Variants in KCTD21 observed in about 807,000 individuals in gnomAD.
KCTD21 encodes the protein BTB/POZ domain-containing protein KCTD21.
KCTD21 carries 9 observed loss-of-function variants against 13.2 expected under a neutral mutation model. That is an observed-to-expected ratio of 0.68 (90% CI 0.41 to 1.19). The LOEUF (loss-of-function observed/expected upper bound fraction) is 1.19, where lower values mean the gene tolerates loss of function less well. Ranked by LOEUF, KCTD21 falls within the 50% of genes most tolerant of loss-of-function variation. The probability of loss-of-function intolerance (pLI) is 0.01; values close to 1 mark genes in which losing one functional copy is unlikely to be tolerated. For synonymous variants in KCTD21, 142 were observed against 137.4 expected, an observed-to-expected ratio of 1.03 and a Z score of -0.23; for missense variants, 303 against 336.5, an observed-to-expected ratio of 0.90 and a Z score of 0.78.
At chr11:78,186,505 G>A (rs947449558) in intron 1 of KCTD21, among the ~76,000 whole-genome samples, 2 of 151,116 alleles carry the variant, frequency 1.3e-5, no homozygotes, top group African/African-American at 4.9e-5. Flanking sequence ...CCACTTACTA[G>A]CTGTGCAGCC....
At chr11:78,176,742 C>A (rs574214200) in intron 1 of KCTD21, 120 of 152,388 alleles carry the variant, frequency 7.9e-4, no homozygotes, top group Non-Finnish European at 1.6e-3. Context: ...GCCTGTAATT[C>A]CAGCACTTTG....
At chr11:78,188,054 C>CT in intron 1 of KCTD21, 2 of 985,420 alleles carry the variant, frequency 2.0e-6, no homozygotes, top group Non-Finnish European at 2.4e-6. Context: ...GGGAGGTGTT[C>CT]TATGCATCAC....
chr11:78,188,116 G>C lies in KCTD21; in HGVS notation c.-30+457C>G, dbSNP rs562956135. 9 of 985,342 alleles carry C rather than the reference G, an allele frequency of 9.1e-6. No homozygotes were observed. In the African/African-American group the frequency reaches 1.0e-4, roughly 11 times the overall value. 61.0% of individuals were successfully genotyped at this position (985,342 alleles called of 1,614,324 possible). On this transcript the variant is annotated intron_variant, in intron 1 of 1. Transcript: ENST00000340067. ...CGGCCGGCCCAGGGCTCTCCAGAGCGGGGCAAGTTCCCTGTCATCTGTGTC... is the reference window on the plus strand; with the variant it reads ...CGGCCGGCCCAGGGCTCTCCAGAGCCGGGCAAGTTCCCTGTCATCTGTGTC...
chr11:78,188,148 C>T, intron 1 of KCTD21: 1 of 985,378 alleles, frequency 1.0e-6, no homozygotes, highest in Non-Finnish European at 1.2e-6. Context: ...TGTCTCCGCC[C>T]TTCCTTCCCC....
rs1378304530 is a variant in KCTD21, at chr11:78,171,906, G to C, written c.*1866C>G. 6.6e-6 allele frequency: 1 copy of C among 152,374 alleles called. No individual in the cohort carries two copies. The highest frequency in any genetic ancestry group is 2.4e-5 in the African/African-American group (1 of 41,464). The allele number at this position is 152,374 out of a possible 1,614,324, so 9.4% of individuals were successfully genotyped here. ...CAGGCATGAGCCACTGTGCCTGGCA[G>C]AAAAGCTGTCAGAGAGACTCCTGGG... is the stretch of plus-strand genomic sequence containing the variant. On this transcript the variant is annotated 3_prime_UTR_variant, in exon 2 of 2. Coordinates refer to ENST00000340067, the MANE Select transcript of KCTD21 (RefSeq NM_001029859.3).
intron 1 of KCTD21, among the ~76,000 whole-genome samples, chr11:78,178,467 C>T (rs117251851): frequency 1.5e-3 from 221 of 152,278 alleles, no homozygotes; most frequent in Non-Finnish European, 2.6e-3. Context: ...CAGTGTCCAT[C>T]ATCACAAATC....
chr11:78,174,746 T>G, intron 1 of KCTD21, 163 bp from the exon 2 acceptor site: 1 of 512,202 alleles, frequency 2.0e-6, no homozygotes, highest in African/African-American at 1.9e-5. Context: ...GTACATTAGC[T>G]TCACTAGGGA....
rs1862329914 is a variant in KCTD21, at chr11:78,173,141, T to TA, written c.*630dup. The TA allele has an allele frequency of 6.6e-6, 1 of 152,382 alleles. No homozygotes were observed. The highest frequency in any genetic ancestry group is 1.5e-5 in the Non-Finnish European group (1 of 68,204). The allele number at this position is 152,382 out of a possible 1,614,324, so 9.4% of individuals were successfully genotyped here. On this transcript the variant is annotated 3_prime_UTR_variant, in exon 2 of 2. Transcript: ENST00000340067. ...TCAGCCCTATCAAGAGGGACATTCCTACCTTCTGAACTCTGCCTGGACACT... is the reference window on the plus strand; with the variant it reads ...TCAGCCCTATCAAGAGGGACATTCCTAACCTTCTGAACTCTGCCTGGACACT...
intron 1 of KCTD21, among the ~76,000 whole-genome samples, chr11:78,179,201 T>G (rs1232816468): frequency 6.8e-6 from 1 of 147,760 alleles, no homozygotes; most frequent in Non-Finnish European, 1.5e-5. Context: ...TCTTTTTATT[T>G]TTACTTTTTT....
In KCTD21 at chr11:78,172,975, G is replaced by A; in HGVS notation, c.*797C>T. The A allele has an allele frequency of 6.6e-6, 1 of 152,606 alleles. No homozygotes were observed. Among genetic ancestry groups the A allele is most frequent in the East Asian group, 1.9e-4 (1 of 5,198 alleles). 9.5% of individuals were successfully genotyped at this position (152,606 alleles called of 1,614,324 possible). ...TTTGTTTAAAATGACCTGTTTCAAT[G>A]ATACCTCAAATTTTTGGGAAAACAA... On this transcript the variant is annotated 3_prime_UTR_variant, in exon 2 of 2. Transcript: ENST00000340067.
chr11:78,174,714 A>G, intron 1 of KCTD21, 131 bp from the exon 2 acceptor site: 1 of 645,884 alleles, frequency 1.5e-6, no homozygotes, highest in Non-Finnish European at 2.7e-6. Context: ...TGAATGGGTG[A>G]TAATTGCTAA....
At chr11:78,183,687 T>G (rs1590882836) in intron 1 of KCTD21, among the ~76,000 whole-genome samples, 1 of 145,368 alleles carries the variant, frequency 6.9e-6, no homozygotes, top group Admixed American at 7.0e-5. Context: ...CAGGCTGGAG[T>G]GCAGTGGTGT....
At chr11:78,183,195 C>G (rs1191388210) in intron 1 of KCTD21, among the ~76,000 whole-genome samples, 1 of 152,128 alleles carries the variant, frequency 6.6e-6, no homozygotes, top group Non-Finnish European at 1.5e-5. Context: ...AGGAAAAGTT[C>G]AAGGTGAGTT....
rs552309453 is a variant in KCTD21, at chr11:78,178,357, T to C, written c.-29-3774A>G. ...GTTGGCCAGGATGGTCTCGATCTCT[T>C]GACTTTGTGATCTGCCCGCCTCGGC... is the stretch of plus-strand genomic sequence containing the variant. On this transcript the variant is annotated intron_variant, in intron 1 of 1. Coordinates refer to ENST00000340067, the MANE Select transcript of KCTD21 (RefSeq NM_001029859.3). Among the ~76,000 whole-genome samples the C allele has an allele frequency of 3.3e-5, 5 of 152,224 alleles. No individual in the cohort carries two copies. The East Asian group carries it at 9.7e-4, about 29-fold the overall frequency.
At chr11:78,175,929 T>G (rs1862440179) in intron 1 of KCTD21, among the ~76,000 whole-genome samples, 1 of 151,976 alleles carries the variant, frequency 6.6e-6, no homozygotes, top group Non-Finnish European at 1.5e-5. Context: ...TTCCCCTTCC[T>G]GTGTCCATGT....
At position 78,174,095 on chromosome 11, in the gene KCTD21, G is replaced by C. The variant is rs1862367544; in HGVS notation, c.460C>G (p.Leu154Val). The C allele has an allele frequency of 6.2e-7, 1 of 1,614,158 alleles. No individual in the cohort carries two copies. The highest frequency in any genetic ancestry group is 1.1e-5 in the South Asian group (1 of 91,084). ...FNANIFSTSC[L>V]FLKLLGSKLF... ...TTAGAGCCAAGGAGCTTGAGGAAGA[G>C]GCAGGAGGTGCTGAAGATGTTGGCG... The change falls in exon 2 of 2, where the codon CTC (leucine) becomes GTC (valine). Residue 154 changes from leucine (L) to valine (V), a missense_variant. Leu to Val is a conservative substitution (Grantham distance 32). Transcript: ENST00000340067.
At chr11:78,174,617 C>G in intron 1 of KCTD21, 34 bp from the exon 2 acceptor site, 2 of 1,453,872 alleles carry the variant, frequency 1.4e-6, no homozygotes. Context: ...ATGACTATAA[C>G]CAAACCTTAT....
At chr11:78,187,754 G>T (rs576848979) in intron 1 of KCTD21, 13 of 985,292 alleles carry the variant, frequency 1.3e-5, no homozygotes, top group East Asian at 1.1e-4. Flanking sequence ...GGGTTGGGGG[G>T]ACTGGTCCTG....
Position 78,172,965 on chromosome 11 carries a change from CT to C in KCTD21, c.*806del, listed in dbSNP as rs1422114402. ...CCGTAATAGATTTGTTTAAAATGAC[CT>C]GTTTCAATGATACCTCAAATTTTTG... On this transcript the variant is annotated 3_prime_UTR_variant, in exon 2 of 2. Coordinates refer to ENST00000340067, the MANE Select transcript of KCTD21 (RefSeq NM_001029859.3). 3 of 152,574 alleles carry C rather than the reference CT, an allele frequency of 2.0e-5. No individual in the cohort carries two copies. The highest frequency in any genetic ancestry group is 7.2e-5 in the African/African-American group (3 of 41,414). 9.5% of individuals were successfully genotyped at this position (152,574 alleles called of 1,614,324 possible).
Sources: gnomAD v4.1 joint callset for allele counts (sites outside exome capture counted in the v4.1 genomes callset) on GRCh38, gnomAD v4.1.1 for gene constraint, MANE v1.5 for transcripts, NCBI Gene and HGNC (gene_info 2026-07-23, HGNC 2026-07-21) for gene names.